The following SMPX variants were observed in gnomAD, a reference collection of about 807,000 sequenced individuals.
SMPX encodes small muscular protein.
In SMPX, 2 loss-of-function variants were observed where a neutral mutation model predicts 6.3. That is an observed-to-expected ratio of 0.32 (90% CI 0.13 to 0.99). The LOEUF (loss-of-function observed/expected upper bound fraction) is 0.99. Ranked by LOEUF, SMPX falls within the 50% of genes least tolerant of loss-of-function variation. The pLI, the probability that SMPX is intolerant of heterozygous loss-of-function variation, is 0.49. For synonymous variants in SMPX, 32 were observed against 24.7 expected (o/e 1.30, Z -0.88); for missense variants, 60 against 66.8 (o/e 0.90, Z 0.36).
chrX:21,723,602 T>G (rs1035564887), intron 4 of SMPX, among the ~76,000 whole-genome samples: 1 of 112,273 alleles, frequency 8.9e-6, no homozygotes, highest in Admixed American at 9.4e-5. Flanking sequence ...TCAAGTTTCT[T>G]GGCATTTTAA....
At chrX:21,749,306 A>G (rs1470362636) in intron 2 of SMPX, among the ~76,000 whole-genome samples, 1 of 112,304 alleles carries the variant, frequency 8.9e-6, no homozygotes. Flanking sequence ...GAGTCTCTTT[A>G]CTTTGTACTT....
At chrX:21,709,658 T>C (rs770869985) in intron 4 of SMPX, among the ~76,000 whole-genome samples, 1 of 111,569 alleles carries the variant, frequency 9.0e-6, no homozygotes, top group Non-Finnish European at 1.9e-5. Context: ...TCCAGGAGTG[T>C]TGGGTTGATG....
chrX:21,731,707 T>C (rs1006044774), intron 4 of SMPX, among the ~76,000 whole-genome samples: 2 of 102,536 alleles, frequency 2.0e-5, no homozygotes, highest in Non-Finnish European at 4.0e-5. Context: ...TAAATGTGTA[T>C]ATGTGTATAT....
At chrX:21,715,303 T>TGTGCGCGC (rs1175730294) in intron 4 of SMPX, among the ~76,000 whole-genome samples, 23 of 86,077 alleles carry the variant, frequency 2.7e-4, no homozygotes, top group African/African-American at 1.3e-3. Flanking sequence ...TGTGTGTGTG[T>TGTGCGCGC]GCGCGCACGC....
At chrX:21,727,752 C>T (rs2092798618) in intron 4 of SMPX, 1 of 112,135 alleles carries the variant, frequency 8.9e-6, no homozygotes, top group Admixed American at 9.5e-5. Flanking sequence ...AAGTCCTAGA[C>T]TAGAGGGTGT....
rs1569306584 is a variant in SMPX, at chrX:21,731,552, T to TACAC, written c.*14+5996_*14+5997insGTGT. Among the ~76,000 whole-genome samples, 56 of 45,853 alleles carry TACAC rather than the reference T, an allele frequency of 1.2e-3. 9 individuals are homozygous for TACAC. In the South Asian group the frequency reaches 0.017, roughly 14 times the overall value. 39.8% of individuals were successfully genotyped at this position (45,853 alleles called of 115,157 possible). A position where few individuals can be genotyped will look rare whatever the true frequency, so the allele number is the denominator to read the frequency against. Reference sequence around the variant, plus strand: ...CATACACATTATGTGTGTATGTGTATATATACACATTATGTGTATATGTGT... The same window carrying TACAC: ...CATACACATTATGTGTGTATGTGTATACACATATACACATTATGTGTATATGTGT... On this transcript the variant is annotated intron_variant, in intron 4 of 4. Transcript: ENST00000379494.
At chrX:21,746,317 A>C (rs1240714928) in intron 2 of SMPX, among the ~76,000 whole-genome samples, 1 of 111,791 alleles carries the variant, frequency 8.9e-6, no homozygotes, top group Non-Finnish European at 1.9e-5. Context: ...TAATTCTCTC[A>C]AGGTCATACA....
intron 4 of SMPX, among the ~76,000 whole-genome samples, chrX:21,710,581 C>A (rs1436509997): frequency 8.9e-6 from 1 of 112,124 alleles, no homozygotes; most frequent in Admixed American, 9.4e-5. Context: ...ACAGAGAAAT[C>A]TTGATCCAGT....
intron 4 of SMPX, among the ~76,000 whole-genome samples, chrX:21,736,388 A>T (rs1420281262): frequency 8.9e-5 from 10 of 112,067 alleles, no homozygotes; most frequent in Non-Finnish European, 5.6e-5. Flanking sequence ...GAAGGGATTG[A>T]AGCAATATAA....
At chrX:21,710,714 A>G (rs2092777730) in intron 4 of SMPX, among the ~76,000 whole-genome samples, 1 of 111,297 alleles carries the variant, frequency 9.0e-6, no homozygotes, top group African/African-American at 3.3e-5. Flanking sequence ...TGCAGCTGAG[A>G]GCCAAGGGAG....
chrX:21,737,702 A>G lies in SMPX; in HGVS notation c.133-5T>C. The G allele has an allele frequency of 8.3e-7, 1 of 1,209,871 alleles. No homozygotes were observed. The highest frequency in any genetic ancestry group is 1.1e-6 in the Non-Finnish European group (1 of 893,792). The stretch of plus-strand genomic sequence containing the variant: ...ATCCGAGGTGGGAGGAACACCCTGA[A>G]GAGCAAGGAGAAGAAATCCAACTCA... On this transcript the variant is annotated splice_polypyrimidine_tract_variant and splice_region_variant and intron_variant, in intron 3 of 4. Coordinates refer to ENST00000379494, the MANE Select transcript of SMPX (RefSeq NM_014332.3).
At chrX:21,743,694 T>C in intron 3 of SMPX, 56 bp downstream of exon 3, 1 of 1,037,511 alleles carries the variant, frequency 9.6e-7, no homozygotes, top group Non-Finnish European at 1.4e-6. Flanking sequence ...CCCCCTCTGG[T>C]GAGGATTTTA....
At chrX:21,715,254 ACTCTG>A (rs2092782943) in intron 4 of SMPX, among the ~76,000 whole-genome samples, 2 of 83,915 alleles carry the variant, frequency 2.4e-5, no homozygotes, top group East Asian at 4.0e-4. Flanking sequence ...GTTGTAACTC[ACTCTG>A]CTCTGTGTGT....
intron 3 of SMPX, among the ~76,000 whole-genome samples, chrX:21,738,379 T>C (rs1262378933): frequency 2.7e-5 from 3 of 111,238 alleles, no homozygotes; most frequent in Non-Finnish European, 3.8e-5. Context: ...AATCTATGCC[T>C]CTATGTACAT....
intron 4 of SMPX, among the ~76,000 whole-genome samples, chrX:21,718,832 T>C (rs1344746654): frequency 2.7e-5 from 3 of 112,123 alleles, no homozygotes; most frequent in Non-Finnish European, 5.6e-5. Flanking sequence ...ATCTCCTGAC[T>C]AGTTAAGCTG....
At chrX:21,731,279 T>C (rs751200493) in intron 4 of SMPX, among the ~76,000 whole-genome samples, 1 of 107,066 alleles carries the variant, frequency 9.3e-6, no homozygotes, top group Non-Finnish European at 1.9e-5. Flanking sequence ...ACTTATTTCA[T>C]GGCCTAACAT....
intron 4 of SMPX, among the ~76,000 whole-genome samples, chrX:21,732,081 C>T (rs2092805687): frequency 9.0e-6 from 1 of 110,648 alleles, no homozygotes; most frequent in Non-Finnish European, 1.9e-5. Context: ...TCAATTTGCC[C>T]TTCTTCCAAC....
chrX:21,752,930 T>A (rs1484515585), intron 2 of SMPX, among the ~76,000 whole-genome samples: 3 of 111,131 alleles, frequency 2.7e-5, no homozygotes, highest in Non-Finnish European at 5.7e-5. Context: ...GTAGGGAGAG[T>A]AATTTTCCCA....
intron 4 of SMPX, among the ~76,000 whole-genome samples, chrX:21,710,566 T>A (rs773223743): frequency 7.1e-4 from 80 of 112,260 alleles, no homozygotes; most frequent in Middle Eastern, 4.6e-3. Flanking sequence ...AAATTTTTTT[T>A]AAAAACAGAG....
Sources: gnomAD v4.1 joint callset for allele counts (sites outside exome capture counted in the v4.1 genomes callset) on GRCh38, gnomAD v4.1.1 for gene constraint, MANE v1.5 for transcripts, NCBI Gene and HGNC (gene_info 2026-07-23, HGNC 2026-07-21) for gene names.